The following FGF17 variants were observed in gnomAD, a reference collection of about 807,000 sequenced individuals.
FGF17 encodes fibroblast growth factor 17.
In FGF17, 5 loss-of-function variants were observed where a neutral mutation model predicts 23.5. That is an observed-to-expected ratio of 0.21 (90% CI 0.11 to 0.45). The LOEUF (loss-of-function observed/expected upper bound fraction) is 0.45. FGF17 is among the 20% of genes least tolerant of loss of function. The probability of loss-of-function intolerance (pLI) is 0.99; values close to 1 mark genes in which losing one functional copy is unlikely to be tolerated. For synonymous variants in FGF17, 136 were observed against 123.0 expected, an observed-to-expected ratio of 1.11 and a Z score of -0.70; for missense variants, 221 against 306.9, an observed-to-expected ratio of 0.72 and a Z score of 2.09.
At chr8:22,043,302 G>C in intron 2 of FGF17, 121 bp downstream of exon 2, 1 of 1,006,642 alleles carries the variant, frequency 9.9e-7, no homozygotes, top group Non-Finnish European at 1.5e-6. Flanking sequence ...CCTGGGTCCA[G>C]GAGGCACTGA....
chr8:22,044,607 G>A (rs975252355), intron 2 of FGF17: 5 of 854,082 alleles, frequency 5.9e-6, no homozygotes, highest in Non-Finnish European at 7.0e-6. Flanking sequence ...GGATAGGCAG[G>A]ACCCCACCCC....
chr8:22,040,039 C>T (rs886227903), upstream of FGF17, among the ~76,000 whole-genome samples: 1 of 152,126 alleles, frequency 6.6e-6, no homozygotes, highest in Non-Finnish European at 1.5e-5. Flanking sequence ...GAACCCCACC[C>T]CCCCAGCAAT....
Position 22,046,613 on chromosome 8 carries a change from A to C in FGF17, c.337A>C (p.Arg113=). ...ESEKYICMNK[R]GKLIGKPSGK... is the part of the protein sequence containing the mutation. ...TGAGAAGTACATCTGTATGAACAAGAGGGGCAAGCTCATCGGGAAGGTGAG... is the reference window on the plus strand; with the variant it reads ...TGAGAAGTACATCTGTATGAACAAGCGGGGCAAGCTCATCGGGAAGGTGAG... Residue 113 remains arginine, a synonymous_variant, in exon 4 of 5, where the codon AGG becomes CGG. Transcript: ENST00000359441. The C allele has an allele frequency of 6.2e-7, 1 of 1,613,378 alleles. No homozygotes were observed. Among genetic ancestry groups the C allele is most frequent in the Non-Finnish European group, 8.5e-7 (1 of 1,179,430 alleles).
intron 4 of FGF17, 24 bp downstream of exon 4, chr8:22,046,657 A>G: frequency 6.5e-7 from 1 of 1,539,918 alleles, no homozygotes; most frequent in Non-Finnish European, 9.0e-7. Context: ...ACTGGGAAGT[A>G]ACAGAGAATC....
At chr8:22,045,824 G>A in intron 2 of FGF17, 2 of 1,341,168 alleles carry the variant, frequency 1.5e-6, no homozygotes, top group Non-Finnish European at 1.9e-6. Flanking sequence ...ATAGAACCCT[G>A]AGGGCTCCTT....
At position 22,048,059 on chromosome 8, in the gene FGF17, C is replaced by T; in HGVS notation, c.461C>T (p.Thr154Met). ...ARHEGWFMAF[T>M]RQGRPRQASR... ...CACGAGGGCTGGTTCATGGCCTTCACGCGGCAGGGGCGGCCCCGCCAGGCT... is the reference window on the plus strand; with the variant it reads ...CACGAGGGCTGGTTCATGGCCTTCATGCGGCAGGGGCGGCCCCGCCAGGCT... Residue 154 changes from threonine (T) to methionine (M), a missense_variant, in exon 5 of 5, where the codon ACG becomes ATG. By Grantham distance (81) the Thr-to-Met change is moderately conservative (BLOSUM62 -1). Coordinates refer to ENST00000359441, the MANE Select transcript of FGF17 (RefSeq NM_003867.4). The surrounding 1 kb of genome is among the most constrained non-coding windows in gnomAD (Gnocchi z 6.9). The T allele has an allele frequency of 6.2e-7, 1 of 1,613,110 alleles. No homozygotes were observed. Among genetic ancestry groups the T allele is most frequent in the Non-Finnish European group, 8.5e-7 (1 of 1,179,784 alleles).
chr8:22,041,543 G>A (rs1202453028), upstream of FGF17, among the ~76,000 whole-genome samples: 1 of 152,050 alleles, frequency 6.6e-6, no homozygotes, highest in Non-Finnish European at 1.5e-5. Flanking sequence ...TGCAGTCACC[G>A]TCATCCACTT....
intron 2 of FGF17, chr8:22,045,123 C>T: frequency 1.0e-6 from 1 of 985,418 alleles, no homozygotes; most frequent in East Asian, 1.1e-4. Flanking sequence ...CTCTCCCACT[C>T]AGCCTTACAG....
chr8:22,046,057 C>A (rs1800858956), intron 2 of FGF17, 57 bp from the exon 3 acceptor site: 1 of 1,613,578 alleles, frequency 6.2e-7, no homozygotes, highest in African/African-American at 1.3e-5. Flanking sequence ...TTGGATGGAC[C>A]AGTGGTGGTG....
chr8:22,048,220 C>A lies in FGF17; in HGVS notation c.622C>A (p.Arg208Ser), dbSNP rs1800999527. Residue 208 changes from arginine to serine, a missense_variant, in exon 5 of 5, where the codon CGC becomes AGC. Coordinates refer to ENST00000359441, the MANE Select transcript of FGF17 (RefSeq NM_003867.4). The surrounding 1 kb of genome is among the most constrained non-coding windows in gnomAD (Gnocchi z 6.9). Reference sequence around the variant, plus strand: ...CTCCGCCCCCACCCGCCGGACCAAGCGCACACGGCGGCCCCAGCCCCTCAC... The same window carrying A: ...CTCCGCCCCCACCCGCCGGACCAAGAGCACACGGCGGCCCCAGCCCCTCAC... ...VGSAPTRRTK[R>S]TRRPQPLT The A allele has an allele frequency of 1.9e-6, 3 of 1,609,682 alleles. No individual in the cohort carries two copies. The highest frequency in any genetic ancestry group is 2.5e-6 in the Non-Finnish European group (3 of 1,178,550).
intron 2 of FGF17, chr8:22,045,214 C>G (rs1450203278): frequency 1.0e-6 from 1 of 985,540 alleles, no homozygotes; most frequent in East Asian, 1.1e-4. Flanking sequence ...TTCCTCTCCC[C>G]CAACCCAAAG....
chr8:22,040,547 G>A (rs1213152526), upstream of FGF17, among the ~76,000 whole-genome samples: 2 of 152,338 alleles, frequency 1.3e-5, no homozygotes, highest in Middle Eastern at 3.4e-3. Context: ...GCTAAGCCCC[G>A]AGGCCCAGCT....
intron 1 of FGF17, 70 bp downstream of exon 1, chr8:22,043,033 G>T: frequency 6.2e-7 from 1 of 1,602,382 alleles, no homozygotes; most frequent in Non-Finnish European, 8.5e-7. Context: ...TCCTCTTCCC[G>T]GGACTCCCAC....
In FGF17 at chr8:22,048,197, C is replaced by G. The variant is rs1483951286; in HGVS notation, c.599C>G (p.Ser200Cys). 3.7e-6 allele frequency: 6 copies of G among 1,611,468 alleles called. No homozygotes were observed. The South Asian group carries it at 6.6e-5, about 18-fold the overall frequency. Reference sequence around the variant, plus strand: ...CAGAAGCAGTTCGAGTTTGTGGGCTCCGCCCCCACCCGCCGGACCAAGCGC... The same window carrying G: ...CAGAAGCAGTTCGAGTTTGTGGGCTGCGCCCCCACCCGCCGGACCAAGCGC... ...EKQKQFEFVGSAPTRRTKRTR... is the reference protein window; with the variant it reads ...EKQKQFEFVGCAPTRRTKRTR... Residue 200 changes from serine (S) to cysteine (C), a missense_variant, in exon 5 of 5, where the codon TCC (serine) becomes TGC (cysteine). Ser to Cys is a moderately radical substitution (Grantham distance 112). Coordinates refer to ENST00000359441, the MANE Select transcript of FGF17 (RefSeq NM_003867.4). This position sits in a 1 kb window ranked among gnomAD's most constrained non-coding sequence, Gnocchi z 6.9.
Position 22,046,614 on chromosome 8 carries a change from G to C in FGF17, c.338G>C (p.Arg113Thr). ...ESEKYICMNK[R>T]GKLIGKPSGK... ...GAGAAGTACATCTGTATGAACAAGA[G>C]GGGCAAGCTCATCGGGAAGGTGAGG... The change falls in exon 4 of 5, where the codon AGG (arginine) becomes ACG (threonine). Residue 113 changes from arginine to threonine, a missense_variant. Arg to Thr is a moderately conservative substitution (Grantham distance 71). This residue lies in a region of FGF17 where 128 missense variants were observed against 150.4 expected (regional missense o/e 0.85). Transcript: ENST00000359441. 6.2e-7 allele frequency: 1 copy of C among 1,613,406 alleles called. No homozygotes were observed. Among genetic ancestry groups the C allele is most frequent in the Non-Finnish European group, 8.5e-7 (1 of 1,179,460 alleles).
intron 2 of FGF17, among the ~76,000 whole-genome samples, chr8:22,043,392 G>A (rs1012920386): frequency 6.6e-6 from 1 of 152,128 alleles, no homozygotes; most frequent in Non-Finnish European, 1.5e-5. Flanking sequence ...CTCCCTCTGA[G>A]GACCCTCCCC....
intron 2 of FGF17, among the ~76,000 whole-genome samples, chr8:22,044,093 G>C (rs1187337940): frequency 2.0e-5 from 3 of 151,990 alleles, no homozygotes; most frequent in Non-Finnish European, 4.4e-5. Flanking sequence ...CACATCCAGG[G>C]GGAGCCAGAA....
upstream of FGF17, among the ~76,000 whole-genome samples, chr8:22,040,036 A>AC (rs34029077): frequency 1.7e-4 from 24 of 143,226 alleles, no homozygotes; most frequent in Middle Eastern, 3.5e-3. Context: ...CCTGAACCCC[A>AC]CCCCCCCAGC....
In FGF17 at chr8:22,045,863, T is replaced by G. The variant is rs542140680; in HGVS notation, c.73-251T>G. ...GCTCCCAGAGTCCTGATTCCAGGGC[T>G]GTGCTCTGTCAATAAGTGTCCCCCA... On this transcript the variant is annotated intron_variant, in intron 2 of 4. Coordinates refer to ENST00000359441, the MANE Select transcript of FGF17 (RefSeq NM_003867.4). 311 of 1,401,396 alleles carry G rather than the reference T, an allele frequency of 2.2e-4. No homozygotes were observed. In the African/African-American group the frequency reaches 4.0e-3, roughly 18 times the overall value. The allele number at this position is 1,401,396 out of a possible 1,614,324, so 86.8% of individuals were successfully genotyped here. A position where few individuals can be genotyped will look rare whatever the true frequency, so the allele number is the denominator to read the frequency against.
Sources: allele counts gnomAD v4.1 joint callset (sites outside exome capture counted in the v4.1 genomes callset), GRCh38; gene constraint gnomAD v4.1.1; regional missense constraint gnomAD v4.1.1; non-coding constraint Gnocchi (gnomAD v3.1); transcripts MANE v1.5; gene names NCBI Gene and HGNC (gene_info 2026-07-23, HGNC 2026-07-21).